The following STIL variants were observed in gnomAD, a reference collection of about 807,000 sequenced individuals.
STIL encodes STIL centriolar assembly protein.
In STIL, 55 loss-of-function variants were observed where a neutral mutation model predicts 110.1. The ratio of observed to expected loss-of-function variants is 0.50; its 90% CI spans 0.40 to 0.63. The LOEUF is 0.63. Ranked by LOEUF, STIL falls within the 20% of genes least tolerant of loss-of-function variation. STIL has a pLI of 0.00. For missense variants in STIL, 1,358 were observed against 1,530.0 expected, an observed-to-expected ratio of 0.89 and a Z score of 1.87; for synonymous variants, 481 against 530.0, an observed-to-expected ratio of 0.91 and a Z score of 1.27.
intron 3 of STIL, among the ~76,000 whole-genome samples, chr1:47,304,526 G>GT (rs1645896860): frequency 6.6e-6 from 1 of 152,176 alleles, no homozygotes; most frequent in African/African-American, 2.4e-5. Context: ...GGTCCTAGAT[G>GT]TAACTACAAG....
intron 8 of STIL, among the ~76,000 whole-genome samples, chr1:47,293,203 T>G (rs1181592355): frequency 7.2e-5 from 11 of 152,164 alleles, no homozygotes; most frequent in Admixed American, 7.2e-4. Flanking sequence ...TCCACAGTTT[T>G]TTTCCACCCC....
Position 47,263,057 on chromosome 1 carries a change from T to C in STIL, c.2675A>G (p.Gln892Arg). 1 of 1,614,226 alleles carries C rather than the reference T, an allele frequency of 6.2e-7. No individual in the cohort carries two copies. The highest frequency in any genetic ancestry group is 2.2e-5 in the East Asian group (1 of 44,880). Reference sequence around the variant, plus strand: ...ACACATGCTTACACTTTCTGCCAGCTGGCCACTTGGAAAGAACACAGGTAC... The same window carrying C: ...ACACATGCTTACACTTTCTGCCAGCCGGCCACTTGGAAAGAACACAGGTAC... ...PDVPVFFPSG[Q>R]LAESVSMCLQ... Residue 892 changes from glutamine (Q) to arginine (R), a missense_variant, in exon 15 of 17, where the codon CAG (glutamine) becomes CGG (arginine). By Grantham distance (43) the Gln-to-Arg change is conservative. Coordinates refer to ENST00000371877, the MANE Select transcript of STIL (RefSeq NM_001048166.1).
intron 4 of STIL, 68 bp downstream of exon 4, chr1:47,302,166 C>G (rs1645823232): frequency 8.7e-7 from 1 of 1,151,188 alleles, no homozygotes; most frequent in Admixed American, 1.7e-5. Flanking sequence ...AGTGATCCTC[C>G]CACTCCAGCC....
Position 47,295,795 on chromosome 1 carries a change from G to T in STIL, c.755C>A (p.Pro252His). 6.2e-7 allele frequency: 1 copy of T among 1,612,684 alleles called. No homozygotes were observed. Among genetic ancestry groups the T allele is most frequent in the Non-Finnish European group, 8.5e-7 (1 of 1,179,184 alleles). ...CACCAATGGTAGAGAATAAACCTTG[G>T]GATCAGATTCCAACAAAAGTAACAA... ...RKLLLLLESD[P>H]KVYSLPLVGI... Residue 252 changes from proline (P) to histidine (H), a missense_variant, in exon 7 of 17, where the codon CCC (proline) becomes CAC (histidine). Coordinates refer to ENST00000371877, the MANE Select transcript of STIL (RefSeq NM_001048166.1).
In STIL at chr1:47,269,629, C is replaced by A. The variant is rs1270038991; in HGVS notation, c.2615+6G>T. The A allele has an allele frequency of 2.5e-6, 4 of 1,613,154 alleles. No homozygotes were observed. The highest frequency in any genetic ancestry group is 3.4e-6 in the Non-Finnish European group (4 of 1,179,234). On this transcript the variant is annotated splice_donor_region_variant and intron_variant, in intron 14 of 16. Coordinates refer to ENST00000371877, the MANE Select transcript of STIL (RefSeq NM_001048166.1). ...AGGATGAAAGACTAAATCAAAGAGA[C>A]CTTACTTGGATACAGAAAGTGGCTG...
intron 3 of STIL, among the ~76,000 whole-genome samples, 158 bp from the exon 4 acceptor site, chr1:47,302,504 G>A (rs1285164487): frequency 6.6e-6 from 1 of 152,166 alleles, no homozygotes; most frequent in African/African-American, 2.4e-5. Context: ...GATACGGAGG[G>A]CCACTTGGAA....
chr1:47,308,046 A>G (rs1646015907), intron 2 of STIL, among the ~76,000 whole-genome samples: 1 of 151,994 alleles, frequency 6.6e-6, no homozygotes, highest in Non-Finnish European at 1.5e-5. Flanking sequence ...GGTGCCCAAA[A>G]CCTCATTAGC....
chr1:47,273,390 G>T (rs989599930), intron 12 of STIL, among the ~76,000 whole-genome samples: 2 of 152,156 alleles, frequency 1.3e-5, no homozygotes, highest in Non-Finnish European at 2.9e-5. Context: ...GCCCCTGACG[G>T]TCTAACATGA....
chr1:47,269,991 C>T (rs905293157), intron 13 of STIL, 125 bp from the exon 14 acceptor site: 1 of 865,452 alleles, frequency 1.2e-6, no homozygotes, highest in Non-Finnish European at 1.9e-6. Flanking sequence ...AATCCCAACA[C>T]TTTGAGAGGC....
intron 12 of STIL, among the ~76,000 whole-genome samples, chr1:47,274,538 C>G (rs996480717): frequency 1.0e-4 from 15 of 145,514 alleles, no homozygotes; most frequent in Non-Finnish European, 2.3e-4. Flanking sequence ...AGGATGGTCT[C>G]GATCTCTTGA....
chr1:47,308,557 T>G (rs1280906566), intron 2 of STIL, among the ~76,000 whole-genome samples: 1 of 150,140 alleles, frequency 6.7e-6, no homozygotes, highest in Non-Finnish European at 1.5e-5. Flanking sequence ...GATCTAAAAA[T>G]CAAAACAATG....
At chr1:47,289,896 C>A (rs539420927) in intron 8 of STIL, among the ~76,000 whole-genome samples, 1 of 148,238 alleles carries the variant, frequency 6.7e-6, no homozygotes, top group South Asian at 2.1e-4. Flanking sequence ...CAAGATCGCG[C>A]CACTGCACTC....
chr1:47,278,329 A>C (rs1645048513), intron 12 of STIL, among the ~76,000 whole-genome samples: 1 of 152,150 alleles, frequency 6.6e-6, no homozygotes, highest in Admixed American at 6.5e-5. Flanking sequence ...AAAATGTATA[A>C]GATACTTTTT....
chr1:47,263,177 G>GTAACT, intron 14 of STIL, 61 bp from the exon 15 acceptor site: 1 of 1,484,184 alleles, frequency 6.7e-7, no homozygotes. Flanking sequence ...TTGAAATGTA[G>GTAACT]TAACTTTAGA....
At chr1:47,292,235 CAATA>C (rs538447901) in intron 8 of STIL, among the ~76,000 whole-genome samples, 2 of 151,726 alleles carry the variant, frequency 1.3e-5, no homozygotes, top group Admixed American at 1.3e-4. Context: ...AATAGGTGCT[CAATA>C]AATAAATAAA....
At chr1:47,259,285 CT>C (rs3043082) in intron 16 of STIL, among the ~76,000 whole-genome samples, 82 of 76,106 alleles carry the variant, frequency 1.1e-3, no homozygotes, top group African/African-American at 3.5e-3. Context: ...CGCGCCCGGC[CT>C]TTTTTTTTTT....
At chr1:47,271,047 ACT>A (rs1332312676) in intron 13 of STIL, among the ~76,000 whole-genome samples, 1 of 151,344 alleles carries the variant, frequency 6.6e-6, no homozygotes, top group Admixed American at 6.6e-5. Flanking sequence ...TTGTTTACTT[ACT>A]CTTTCTTTAA....
chr1:47,273,224 A>G (rs1220258968), intron 12 of STIL, among the ~76,000 whole-genome samples: 1 of 152,226 alleles, frequency 6.6e-6, no homozygotes, highest in Non-Finnish European at 1.5e-5. Context: ...TAATTCATGT[A>G]CCATGAAATT....
intron 7 of STIL, among the ~76,000 whole-genome samples, chr1:47,293,789 AAGAG>A (rs1389822842): frequency 6.6e-6 from 1 of 152,020 alleles, no homozygotes; most frequent in African/African-American, 2.4e-5. Context: ...GAGAGAGAGA[AAGAG>A]AGCAAGCACG....
Sources: allele counts gnomAD v4.1 joint callset (sites outside exome capture counted in the v4.1 genomes callset), GRCh38; gene constraint gnomAD v4.1.1; transcripts MANE v1.5; gene names NCBI Gene and HGNC (gene_info 2026-07-23, HGNC 2026-07-21).